Variants in GSN observed in about 807,000 individuals in gnomAD.
GSN encodes gelsolin.
Under a neutral mutation model 85.7 loss-of-function variants are expected in GSN, and 56 were observed. The observed-to-expected ratio is 0.65, with a 90% CI of 0.53 to 0.82. The LOEUF (loss-of-function observed/expected upper bound fraction) is 0.82, where lower values mean the gene tolerates loss of function less well. GSN is among the 40% of genes least tolerant of loss of function. The pLI is 0.00. For synonymous variants in GSN, 373 were observed against 399.1 expected (o/e 0.93, Z 0.78); for missense variants, 857 against 979.8 (o/e 0.87, Z 1.67).
chr9:121,314,051 G>A lies in GSN; in HGVS notation c.753+28G>A, dbSNP rs138604976. 17,665 of 1,551,152 alleles carry A rather than the reference G, an allele frequency of 0.011. 194 individuals are homozygous for A. Among genetic ancestry groups the A allele is most frequent in the Non-Finnish European group, 0.012 (13,221 of 1,122,266 alleles). ...GAGCACCAGATGCACTGTCTGCCTG[G>A]GCATGGGGTCAGGACAGGGAGGTGG... is the stretch of plus-strand genomic sequence containing the variant. On this transcript the variant is annotated intron_variant, in intron 7 of 17. Coordinates refer to ENST00000432226, the MANE Select transcript of GSN (RefSeq NM_198252.3).
At chr9:121,222,622 C>G (rs2054190248) in intron 4 of GSN, among the ~76,000 whole-genome samples, 1 of 152,156 alleles carries the variant, frequency 6.6e-6, no homozygotes, top group Non-Finnish European at 1.5e-5. Context: ...ACAATTACCT[C>G]TAGGGGGCGT....
intron 2 of GSN, chr9:121,282,455 A>C (rs1428691196): frequency 7.7e-7 from 1 of 1,291,438 alleles, no homozygotes; most frequent in African/African-American, 1.5e-5. Context: ...GGGATGAATG[A>C]ATACAGGACT....
chr9:121,266,376 G>A (rs143703464), upstream of GSN, among the ~76,000 whole-genome samples: 778 of 152,332 alleles, frequency 5.1e-3, 11 homozygotes, highest in African/African-American at 0.018. Flanking sequence ...GTGTATGCCG[G>A]GGCTTGTAAT....
intron 4 of GSN, among the ~76,000 whole-genome samples, chr9:121,223,314 T>TCC (rs956414110): frequency 1.5e-4 from 23 of 151,834 alleles, no homozygotes; most frequent in East Asian, 1.2e-3. Context: ...GTGAGAGGGG[T>TCC]CCCTCTCCTG....
At chr9:121,294,355 C>T (rs896580879) in intron 2 of GSN, among the ~76,000 whole-genome samples, 11 of 152,176 alleles carry the variant, frequency 7.2e-5, no homozygotes, top group African/African-American at 2.4e-4. Flanking sequence ...TGACCCACCA[C>T]ACCTCTCAGG....
chr9:121,305,883 A>G (rs1481749634), intron 4 of GSN, among the ~76,000 whole-genome samples: 1 of 152,238 alleles, frequency 6.6e-6, no homozygotes, highest in African/African-American at 2.4e-5. Context: ...CCGGAGGAGC[A>G]GGGCTTGTTA....
At chr9:121,250,111 T>C (rs2054787005) in intron 6 of GSN, among the ~76,000 whole-genome samples, 1 of 152,164 alleles carries the variant, frequency 6.6e-6, no homozygotes, top group Non-Finnish European at 1.5e-5. Flanking sequence ...CATACATTTG[T>C]CTACAGATGC....
rs986989289 is a variant in GSN, at chr9:121,332,185, T to A, written c.2027-249T>A. Among the ~76,000 whole-genome samples, 2 of 152,114 alleles carry A rather than the reference T, an allele frequency of 1.3e-5. No homozygotes were observed. Among genetic ancestry groups the A allele is most frequent in the African/African-American group, 2.4e-5 (1 of 41,418 alleles). ...AGTAGGGGACTGCAAGGGAAAGTAA[T>A]AAGCTTTATGAAGCAGGAGATTAAG... is the stretch of plus-strand genomic sequence containing the variant. On this transcript the variant is annotated intron_variant, in intron 17 of 17. Coordinates refer to ENST00000432226, the MANE Select transcript of GSN (RefSeq NM_198252.3). The surrounding 1 kb of genome is among the most constrained non-coding windows in gnomAD (Gnocchi z 4.8).
At chr9:121,228,417 T>C (rs2054313828) in intron 4 of GSN, among the ~76,000 whole-genome samples, 1 of 60,736 alleles carries the variant, frequency 1.6e-5, no homozygotes, top group African/African-American at 9.8e-5. Context: ...TATATATATA[T>C]ATATATATTT....
At chr9:121,236,430 G>A (rs2054494218) in intron 5 of GSN, among the ~76,000 whole-genome samples, 1 of 151,982 alleles carries the variant, frequency 6.6e-6, no homozygotes, top group Non-Finnish European at 1.5e-5. Flanking sequence ...ACGTTGGCTG[G>A]TCTCGAACTC....
intron 4 of GSN, among the ~76,000 whole-genome samples, chr9:121,212,822 T>A (rs887425607): frequency 1.3e-5 from 2 of 151,670 alleles, no homozygotes; most frequent in Non-Finnish European, 2.9e-5. Context: ...TTTTGTATAT[T>A]TTTTTTAGTA....
chr9:121,229,781 G>A (rs1378354356), intron 4 of GSN, among the ~76,000 whole-genome samples: 2 of 152,074 alleles, frequency 1.3e-5, no homozygotes, highest in Non-Finnish European at 2.9e-5. Context: ...GTAATTTCTG[G>A]GGAGACACTT....
intron 4 of GSN, among the ~76,000 whole-genome samples, chr9:121,305,587 G>C (rs1018526171): frequency 2.9e-4 from 44 of 152,200 alleles, no homozygotes; most frequent in African/African-American, 9.7e-4. Flanking sequence ...ACATTTGGAG[G>C]CTCCCTGATC....
Position 121,261,365 on chromosome 9 carries a change from C to T in GSN, c.-340-3789C>T, listed in dbSNP as rs1001522697. 1.3e-5 allele frequency among the ~76,000 whole-genome samples: 2 copies of T among 152,266 alleles called. No homozygotes were observed. Among genetic ancestry groups the T allele is most frequent in the Admixed American group, 6.5e-5 (1 of 15,288 alleles). Reference sequence around the variant, plus strand: ...AGTGTCAGTCTCCTGTGTGAGCCTGCGACAGCTTCCTCCTGCCCAGTGCCT... The same window carrying T: ...AGTGTCAGTCTCCTGTGTGAGCCTGTGACAGCTTCCTCCTGCCCAGTGCCT... On this transcript the variant is annotated intron_variant, in intron 6 of 24. Coordinates refer to the GSN transcript ENST00000373823. This position sits in a 1 kb window ranked among gnomAD's most constrained non-coding sequence, Gnocchi z 4.1.
upstream of GSN, among the ~76,000 whole-genome samples, chr9:121,205,079 G>A (rs956086775): frequency 7.2e-4 from 109 of 152,154 alleles, no homozygotes; most frequent in African/African-American, 2.5e-3. Context: ...CAGTGGCTGG[G>A]GCCAGCTACC....
intron 7 of GSN, among the ~76,000 whole-genome samples, chr9:121,314,994 G>A (rs1310210998): frequency 6.6e-6 from 1 of 152,138 alleles, no homozygotes; most frequent in African/African-American, 2.4e-5. Flanking sequence ...CTAAGTGGCT[G>A]GGACTACAGA....
intron 4 of GSN, among the ~76,000 whole-genome samples, chr9:121,215,892 T>C (rs1259209056): frequency 6.6e-6 from 1 of 152,204 alleles, no homozygotes; most frequent in Non-Finnish European, 1.5e-5. Flanking sequence ...TAATTGTTTG[T>C]AATTTATTAA....
rs1352013492 is a variant in GSN at position 121,318,569 on chromosome 9, G to A, written c.975+75G>A. ...GGGGATGGGCTGGAGTAGGGCGGGT[G>A]TCCCACCCTCAGTGTGGATGGGGTA... On this transcript the variant is annotated intron_variant, in intron 9 of 17. Coordinates refer to ENST00000432226, the MANE Select transcript of GSN (RefSeq NM_198252.3). This position sits in a 1 kb window ranked among gnomAD's most constrained non-coding sequence, Gnocchi z 4.3. 28 of 1,453,808 alleles carry A rather than the reference G, an allele frequency of 1.9e-5. No individual in the cohort carries two copies. The highest frequency in any genetic ancestry group is 2.7e-5 in the Non-Finnish European group (28 of 1,033,830). 90.1% of individuals were successfully genotyped at this position (1,453,808 alleles called of 1,614,324 possible). A position where few individuals can be genotyped will look rare whatever the true frequency, so the allele number is the denominator to read the frequency against.
chr9:121,260,001 T>C (rs145554343), intron 6 of GSN, among the ~76,000 whole-genome samples: 52 of 152,344 alleles, frequency 3.4e-4, no homozygotes, highest in Middle Eastern at 3.4e-3. Context: ...GGGACAGGTA[T>C]ACAAACAAAT....
Sources: allele counts gnomAD v4.1 joint callset (sites outside exome capture counted in the v4.1 genomes callset), GRCh38; gene constraint gnomAD v4.1.1; non-coding constraint Gnocchi (gnomAD v3.1); transcripts MANE v1.5; gene names NCBI Gene and HGNC (gene_info 2026-07-23, HGNC 2026-07-21).